MCC: variants seen among roughly 807,000 people sequenced by gnomAD.
The protein encoded by MCC is MCC regulator of Wnt signaling pathway.
In MCC, 90 loss-of-function variants were observed where a neutral mutation model predicts 116.2. The ratio of observed to expected loss-of-function variants is 0.77; its 90% CI spans 0.65 to 0.92. The LOEUF (loss-of-function observed/expected upper bound fraction) is 0.92. MCC is among the 40% of genes least tolerant of loss of function. MCC has a pLI of 0.00. For synonymous variants in MCC, 578 were observed against 510.5 expected, an observed-to-expected ratio of 1.13 and a Z score of -1.78; for missense variants, 1,516 against 1,312.2, an observed-to-expected ratio of 1.16 and a Z score of -2.40.
intron 16 of MCC, 44 bp downstream of exon 16, chr5:113,049,049 C>T (rs1752308612): frequency 1.3e-6 from 2 of 1,583,894 alleles, no homozygotes; most frequent in Non-Finnish European, 1.7e-6. Flanking sequence ...AGTCACTGGG[C>T]AGTCACTGAG....
At chr5:113,258,600 A>G (rs2150347348) in intron 3 of MCC, among the ~76,000 whole-genome samples, 1 of 152,368 alleles carries the variant, frequency 6.6e-6, no homozygotes, top group Middle Eastern at 3.4e-3. Context: ...TTTCATCCCA[A>G]TACCATCCGC....
At chr5:113,253,871 C>T (rs1211906286) in intron 3 of MCC, among the ~76,000 whole-genome samples, 2 of 151,966 alleles carry the variant, frequency 1.3e-5, no homozygotes, top group Non-Finnish European at 2.9e-5. Flanking sequence ...GTTAAAAATT[C>T]ATTAGAAAGG....
At chr5:113,128,405 G>C (rs889609938) in intron 5 of MCC, among the ~76,000 whole-genome samples, 1 of 152,174 alleles carries the variant, frequency 6.6e-6, no homozygotes, top group Non-Finnish European at 1.5e-5. Context: ...TTCTTTTAAA[G>C]AACAAAGTTT....
intron 3 of MCC, among the ~76,000 whole-genome samples, chr5:113,206,828 T>C (rs967299168): frequency 9.9e-5 from 15 of 152,266 alleles, no homozygotes; most frequent in African/African-American, 3.4e-4. Context: ...AATATTTGTA[T>C]AACCCCTTAC....
At chr5:113,169,680 G>A (rs1163044798) in intron 3 of MCC, among the ~76,000 whole-genome samples, 2 of 152,136 alleles carry the variant, frequency 1.3e-5, no homozygotes, top group Non-Finnish European at 2.9e-5. Flanking sequence ...TTCTTAAAAT[G>A]CATTGACTTG....
At chr5:113,406,855 A>T (rs1270875447) in intron 1 of MCC, among the ~76,000 whole-genome samples, 1 of 152,174 alleles carries the variant, frequency 6.6e-6, no homozygotes, top group Non-Finnish European at 1.5e-5. Context: ...TGGATCTCCA[A>T]GAAGAGATTT....
chr5:113,363,089 C>A (rs1156830456), intron 2 of MCC, among the ~76,000 whole-genome samples: 2 of 151,984 alleles, frequency 1.3e-5, no homozygotes, highest in African/African-American at 4.8e-5. Context: ...GCCAGCCTGG[C>A]CAACACGGCA....
At chr5:113,029,552 G>C (rs1469637028) in intron 17 of MCC, among the ~76,000 whole-genome samples, 2 of 152,084 alleles carry the variant, frequency 1.3e-5, no homozygotes, top group Non-Finnish European at 2.9e-5. Context: ...AGAGGGAGTA[G>C]ATATGATACT....
intron 6 of MCC, among the ~76,000 whole-genome samples, chr5:113,110,723 C>T (rs1757040327): frequency 6.6e-6 from 1 of 152,194 alleles, no homozygotes; most frequent in African/African-American, 2.4e-5. Context: ...TCCCTTTGGC[C>T]AGCAGATGCA....
chr5:113,255,239 G>C (rs975394432), intron 3 of MCC, among the ~76,000 whole-genome samples: 2 of 152,108 alleles, frequency 1.3e-5, no homozygotes, highest in Non-Finnish European at 2.9e-5. Context: ...AGTGAGAGCC[G>C]ACATGTGAGC....
At chr5:113,306,169 T>C (rs1766980216) in intron 3 of MCC, among the ~76,000 whole-genome samples, 1 of 152,220 alleles carries the variant, frequency 6.6e-6, no homozygotes, top group Non-Finnish European at 1.5e-5. Flanking sequence ...TGAATATTTT[T>C]GTTGTTTCCA....
At position 113,115,776 on chromosome 5, in the gene MCC, A is replaced by T. The variant is rs1379729360; in HGVS notation, c.1027+6908T>A. 1.3e-5 allele frequency among the ~76,000 whole-genome samples: 2 copies of T among 152,188 alleles called. 1 individual carries two copies. Among genetic ancestry groups the T allele is most frequent in the Non-Finnish European group, 2.9e-5 (2 of 68,046 alleles). On this transcript the variant is annotated intron_variant, in intron 6 of 18. Transcript: ENST00000408903. The stretch of plus-strand genomic sequence containing the variant: ...GTATAATCATTTTACTTATTTGACT[A>T]TTGATCACCTGAATTGGCACAGCTT...
At chr5:113,421,273 G>T (rs1441752288) in intron 1 of MCC, among the ~76,000 whole-genome samples, 3 of 151,970 alleles carry the variant, frequency 2.0e-5, no homozygotes, top group East Asian at 1.9e-4. Flanking sequence ...TGATCTGCCC[G>T]CCTGGACTCC....
At chr5:113,436,369 G>C (rs1265416441) in intron 1 of MCC, 1 of 152,196 alleles carries the variant, frequency 6.6e-6, no homozygotes, top group Non-Finnish European at 1.5e-5. Flanking sequence ...CCTCTTCTCA[G>C]CCAAGGCCAT....
intron 6 of MCC, among the ~76,000 whole-genome samples, chr5:113,121,357 C>G (rs992541118): frequency 1.3e-5 from 2 of 152,188 alleles, no homozygotes; most frequent in African/African-American, 4.8e-5. Flanking sequence ...CAAACATGGT[C>G]TCTGTCATGG....
At chr5:113,439,519 C>G (rs571945406) in intron 1 of MCC, among the ~76,000 whole-genome samples, 5 of 152,126 alleles carry the variant, frequency 3.3e-5, no homozygotes, top group Admixed American at 6.5e-5. Context: ...TGGTCAGTAC[C>G]CTCAGAAGGT....
Position 113,434,146 on chromosome 5 carries a change from G to A in MCC, c.171-48934C>T, listed in dbSNP as rs373430280. ...TGCTTGGAGCGTGGGAAGTTGACGC[G>A]GTGCTCCTTCTGGATACGCAGCATC... On this transcript the variant is annotated intron_variant, in intron 1 of 18. Coordinates refer to ENST00000408903, the MANE Select transcript of MCC (RefSeq NM_001085377.2). This position sits in a 1 kb window ranked among gnomAD's most constrained non-coding sequence, Gnocchi z 4.2. The A allele has an allele frequency of 1.7e-5, 28 of 1,614,032 alleles. 1 individual carries two copies. In the Admixed American group the frequency reaches 3.2e-4, roughly 18 times the overall value.
intron 3 of MCC, among the ~76,000 whole-genome samples, chr5:113,256,056 A>G (rs1764991390): frequency 1.3e-5 from 2 of 152,242 alleles, no homozygotes; most frequent in African/African-American, 2.4e-5. Flanking sequence ...GAATGCATTT[A>G]TATTTTAAAT....
chr5:113,245,874 C>T (rs1259052239), intron 3 of MCC, among the ~76,000 whole-genome samples: 2 of 152,114 alleles, frequency 1.3e-5, no homozygotes, highest in Non-Finnish European at 2.9e-5. Context: ...GGAGTAGGGG[C>T]CAACAATGTA....
Sources: allele counts gnomAD v4.1 joint callset (sites outside exome capture counted in the v4.1 genomes callset), GRCh38; gene constraint gnomAD v4.1.1; non-coding constraint Gnocchi (gnomAD v3.1); transcripts MANE v1.5; gene names NCBI Gene and HGNC (gene_info 2026-07-23, HGNC 2026-07-21).